The following NBEAL1 variants were observed in gnomAD, a reference collection of about 807,000 sequenced individuals.
The protein encoded by NBEAL1 is neurobeachin-like protein 1.
A neutral mutation model predicts 351.3 loss-of-function variants in NBEAL1; 273 were observed. The ratio of observed to expected loss-of-function variants is 0.78; its 90% CI spans 0.70 to 0.86. NBEAL1 has a LOEUF of 0.86. Among genes scored for constraint, NBEAL1 ranks in the 40% least tolerant of loss-of-function variants. NBEAL1 has a pLI of 0.00. For synonymous variants in NBEAL1, 1,050 were observed against 1,086.4 expected, an observed-to-expected ratio of 0.97 and a Z score of 0.66; for missense variants, 2,961 against 3,201.3, an observed-to-expected ratio of 0.92 and a Z score of 1.81.
intron 46 of NBEAL1, among the ~76,000 whole-genome samples, chr2:203,191,810 A>G (rs1324476757): frequency 6.6e-6 from 1 of 152,184 alleles, no homozygotes; most frequent in African/African-American, 2.4e-5. Flanking sequence ...CTGAATGAGT[A>G]GTTGTAAGCC....
chr2:203,040,648 G>A (rs1387361686), intron 2 of NBEAL1: 3 of 655,970 alleles, frequency 4.6e-6, no homozygotes, highest in African/African-American at 1.8e-5. Context: ...GGAGAAGTTT[G>A]GTGACATTTG....
In NBEAL1 at chr2:203,113,201, G is replaced by C. The variant is rs1390492791; in HGVS notation, c.2389G>C (p.Ala797Pro). ...KSKLITKLIS[A>P]GTQDSEWGCP... is the part of the protein sequence containing the mutation. ...AAAATTGATTACCAAATTGATATCA[G>C]CTGGAACCCAAGACAGTGAATGGGG... The change falls in exon 17 of 56, where the codon GCT becomes CCT. Residue 797 changes from alanine (A) to proline (P), a missense_variant. Transcript: ENST00000683969. 1 of 1,550,056 alleles carries C rather than the reference G, an allele frequency of 6.5e-7. No individual in the cohort carries two copies. The highest frequency in any genetic ancestry group is 8.7e-7 in the Non-Finnish European group (1 of 1,145,986).
At position 203,136,749 on chromosome 2, in the gene NBEAL1, C is replaced by T. The variant is rs748151695; in HGVS notation, c.4540C>T (p.Arg1514Ter). Residue 1514 changes from arginine (R) to a stop codon, truncating the protein, a stop_gained, in exon 29 of 56, where the codon CGA (arginine) becomes TGA (stop). Coordinates refer to ENST00000683969, the MANE Select transcript of NBEAL1 (RefSeq NM_001378026.1). LOFTEE classifies it high-confidence loss of function. ...SKPGISSELL[R>*]PSDEIKLTLL... ...ACCAGGAATATCCAGTGAACTACTT[C>T]GACCATCAGATGAAATAAAACTAAC... is the stretch of plus-strand genomic sequence containing the variant. 12 of 1,612,832 alleles carry T rather than the reference C, an allele frequency of 7.4e-6. No individual in the cohort carries two copies. The highest frequency in any genetic ancestry group is 1.0e-5 in the Non-Finnish European group (12 of 1,179,568).
Position 203,062,249 on chromosome 2 carries a change from C to T in NBEAL1, c.515+4796C>T, listed in dbSNP as rs2061510931. The T allele has an allele frequency of 2.2e-6, 1 of 458,772 alleles. No individual in the cohort carries two copies. The highest frequency in any genetic ancestry group is 2.0e-5 in the African/African-American group (1 of 50,162). 28.4% of individuals were successfully genotyped at this position (458,772 alleles called of 1,614,324 possible). On this transcript the variant is annotated intron_variant, in intron 6 of 55. Transcript: ENST00000683969. This position sits in a 1 kb window ranked among gnomAD's most constrained non-coding sequence, Gnocchi z 4.2. ...CCATATTTTCTGACTTGATCGTCAA[C>T]ATTCTGGTCTTCCCATTTGTTTTCT...
At chr2:203,058,877 C>A (rs147439718) in intron 6 of NBEAL1, among the ~76,000 whole-genome samples, 272 of 152,276 alleles carry the variant, frequency 1.8e-3, no homozygotes, top group Middle Eastern at 3.4e-3. Context: ...CAGTACAGAA[C>A]TCAAAGAGAA....
intron 55 of NBEAL1, among the ~76,000 whole-genome samples, chr2:203,215,130 G>A (rs1159007888): frequency 6.6e-6 from 1 of 152,126 alleles, no homozygotes; most frequent in Non-Finnish European, 1.5e-5. Flanking sequence ...GGCCAAGGCG[G>A]GCGGATCATG....
chr2:203,157,051 C>T (rs78248559), intron 35 of NBEAL1, among the ~76,000 whole-genome samples: 5,340 of 152,170 alleles, frequency 0.035, 301 homozygotes, highest in African/African-American at 0.12. Context: ...ATTTAGAAAA[C>T]ATAAATTCAG....
intron 2 of NBEAL1, among the ~76,000 whole-genome samples, chr2:203,027,496 T>C (rs1419626926): frequency 6.6e-6 from 1 of 152,064 alleles, no homozygotes; most frequent in African/African-American, 2.4e-5. Context: ...AGTTTACCTC[T>C]GTAAAAAAAA....
intron 54 of NBEAL1, among the ~76,000 whole-genome samples, chr2:203,211,966 C>T (rs2065800174): frequency 6.6e-6 from 1 of 152,066 alleles, no homozygotes; most frequent in South Asian, 2.1e-4. Context: ...TGGCTCACTG[C>T]AGCCTCTGCC....
At chr2:203,191,832 A>G (rs2105782168) in intron 46 of NBEAL1, among the ~76,000 whole-genome samples, 1 of 152,316 alleles carries the variant, frequency 6.6e-6, no homozygotes, top group Admixed American at 6.5e-5. Context: ...CCGTTAAACT[A>G]GATCTCTTAA....
intron 19 of NBEAL1, among the ~76,000 whole-genome samples, chr2:203,125,078 T>C (rs2062908607): frequency 6.6e-6 from 1 of 152,214 alleles, no homozygotes; most frequent in Non-Finnish European, 1.5e-5. Context: ...CTTATGGGGC[T>C]ATGTTTCATT....
At position 203,221,859 on chromosome 2, in the gene NBEAL1, TATG is replaced by T. The variant is rs2065957561; in HGVS notation, c.*4508_*4510del. On this transcript the variant is annotated 3_prime_UTR_variant, in exon 56 of 56. Coordinates refer to ENST00000683969, the MANE Select transcript of NBEAL1 (RefSeq NM_001378026.1). The stretch of plus-strand genomic sequence containing the variant: ...ATAGTGTTATCAGTCATCATTTTAA[TATG>T]ATTTAAAATGTGGACCACAGCCTGC... Among the ~76,000 whole-genome samples, 1 of 152,212 alleles carries T rather than the reference TATG, an allele frequency of 6.6e-6. No homozygotes were observed. Among genetic ancestry groups the T allele is most frequent in the Non-Finnish European group, 1.5e-5 (1 of 68,042 alleles).
chr2:203,175,394 T>G (rs963420029), intron 42 of NBEAL1, 107 bp downstream of exon 42: 11 of 1,136,584 alleles, frequency 9.7e-6, no homozygotes, highest in Non-Finnish European at 1.4e-5. Context: ...TCTCCTGTAT[T>G]AAATTTTGAT....
chr2:203,192,351 T>A (rs796453215), intron 46 of NBEAL1, among the ~76,000 whole-genome samples: 18 of 152,300 alleles, frequency 1.2e-4, no homozygotes, highest in African/African-American at 4.3e-4. Flanking sequence ...AGCCTTTGAT[T>A]TGAAATAAAG....
At chr2:203,129,643 T>TA (rs2106293481) in intron 24 of NBEAL1, among the ~76,000 whole-genome samples, 1 of 152,280 alleles carries the variant, frequency 6.6e-6, no homozygotes, top group Non-Finnish European at 1.5e-5. Flanking sequence ...TCTTTTAAGC[T>TA]AATGGGGCAG....
intron 48 of NBEAL1, 118 bp from the exon 49 acceptor site, chr2:203,199,220 A>G: frequency 1.7e-6 from 1 of 572,334 alleles, no homozygotes; most frequent in Admixed American, 3.3e-5. Flanking sequence ...GGTTTGAAGT[A>G]CACAGTCTCA....
At chr2:203,196,686 C>T (rs1420194780) in intron 47 of NBEAL1, among the ~76,000 whole-genome samples, 1 of 152,140 alleles carries the variant, frequency 6.6e-6, no homozygotes, top group African/African-American at 2.4e-5. Flanking sequence ...ATAGTACATA[C>T]CCAATAATGT....
intron 3 of NBEAL1, 77 bp downstream of exon 3, chr2:203,041,933 A>G (rs1056406871): frequency 3.6e-5 from 33 of 924,148 alleles, no homozygotes; most frequent in Non-Finnish European, 5.2e-5. Flanking sequence ...ATGACATATT[A>G]CAAGGATGGC....
At position 203,209,176 on chromosome 2, in the gene NBEAL1, A is replaced by AT; in HGVS notation, c.7640dup (p.His2548ThrfsTer17). ...CTGTGTGTAGGATGGAACGGTGATTATACATACCATTCAGAAAGGTCAGTA... is the reference window on the plus strand; with the variant it reads ...CTGTGTGTAGGATGGAACGGTGATTATTACATACCATTCAGAAAGGTCAGTA... On this transcript the variant is annotated frameshift_variant, in exon 53 of 56. Transcript: ENST00000683969. LOFTEE classifies it high-confidence loss of function. 1 of 1,613,142 alleles carries AT rather than the reference A, an allele frequency of 6.2e-7. No homozygotes were observed. The highest frequency in any genetic ancestry group is 8.5e-7 in the Non-Finnish European group (1 of 1,179,212).
Sources: gnomAD v4.1 joint callset for allele counts (sites outside exome capture counted in the v4.1 genomes callset) on GRCh38, gnomAD v4.1.1 for gene constraint, Gnocchi (gnomAD v3.1) non-coding constraint, MANE v1.5 for transcripts, NCBI Gene and HGNC (gene_info 2026-07-23, HGNC 2026-07-21) for gene names.